Variants in DGKB observed in about 807,000 individuals in gnomAD.
DGKB encodes the protein diacylglycerol kinase beta.
A neutral mutation model predicts 114.3 loss-of-function variants in DGKB; 67 were observed. That is an observed-to-expected ratio of 0.59 (90% confidence interval 0.48 to 0.72). DGKB has a LOEUF of 0.72. Among genes scored for constraint, DGKB ranks in the 30% least tolerant of loss-of-function variants. The pLI, the probability that DGKB is intolerant of heterozygous loss-of-function variation, is 0.00. For missense variants in DGKB, 907 were observed against 975.2 expected (o/e 0.93, Z 0.93); for synonymous variants, 398 against 323.1 (o/e 1.23, Z -2.49).
intron 20 of DGKB, among the ~76,000 whole-genome samples, chr7:14,489,658 T>G (rs1001044470): frequency 6.6e-6 from 1 of 152,182 alleles, no homozygotes; most frequent in African/African-American, 2.4e-5. Flanking sequence ...CAAAACCTCA[T>G]GTGCGTTTGC....
At chr7:14,899,601 T>C (rs1412237737) in intron 1 of DGKB, among the ~76,000 whole-genome samples, 1 of 152,158 alleles carries the variant, frequency 6.6e-6, no homozygotes, top group Admixed American at 6.6e-5. Context: ...TCCTCTCATA[T>C]TAACTGCATT....
At chr7:14,865,054 A>G (rs540551626) in intron 1 of DGKB, among the ~76,000 whole-genome samples, 2 of 150,408 alleles carry the variant, frequency 1.3e-5, no homozygotes, top group African/African-American at 4.9e-5. Context: ...GGAAAAGGCA[A>G]TTCCAGAGTT....
intron 25 of DGKB, among the ~76,000 whole-genome samples, chr7:14,173,013 C>A (rs570409075): frequency 6.6e-6 from 1 of 152,214 alleles, no homozygotes; most frequent in African/African-American, 2.4e-5. Context: ...AGACAATTTT[C>A]AATATATACT....
chr7:14,618,166 G>C (rs1806912257), intron 15 of DGKB, among the ~76,000 whole-genome samples: 1 of 150,906 alleles, frequency 6.6e-6, no homozygotes, highest in Non-Finnish European at 1.5e-5. Flanking sequence ...CAAAGAAAGT[G>C]AATTGATTAT....
intron 23 of DGKB, among the ~76,000 whole-genome samples, chr7:14,212,289 CAT>C (rs1400935599): frequency 2.6e-4 from 4 of 15,152 alleles, no homozygotes; most frequent in South Asian, 2.8e-3. Flanking sequence ...ATTTTACTCT[CAT>C]GTTTTGTGAT....
At chr7:14,973,821 T>A (rs1304524206) in intron 1 of DGKB, among the ~76,000 whole-genome samples, 1 of 148,340 alleles carries the variant, frequency 6.7e-6, no homozygotes, top group African/African-American at 2.4e-5. Flanking sequence ...TGTGTATATA[T>A]AAATTACATA....
chr7:14,806,083 T>C (rs945647905), intron 2 of DGKB, among the ~76,000 whole-genome samples: 1 of 151,872 alleles, frequency 6.6e-6, no homozygotes, highest in Non-Finnish European at 1.5e-5. Flanking sequence ...CTTTTATAAA[T>C]TTACATTACA....
rs539479118 is a variant in DGKB at position 14,299,597 on chromosome 7, G to A, written c.2122+38918C>T. Among the ~76,000 whole-genome samples the A allele has an allele frequency of 4.6e-5, 7 of 152,102 alleles. No homozygotes were observed. In the East Asian group the frequency reaches 7.7e-4, roughly 17 times the overall value. On this transcript the variant is annotated intron_variant, in intron 23 of 25. Coordinates refer to ENST00000402815, the MANE Select transcript of DGKB (RefSeq NM_001350709.2). ...GAAAACCTGTTTCTGTGTTTTAGCCGCCCCTCACCCACAATGTATACCCAT... is the reference window on the plus strand; with the variant it reads ...GAAAACCTGTTTCTGTGTTTTAGCCACCCCTCACCCACAATGTATACCCAT...
intron 20 of DGKB, among the ~76,000 whole-genome samples, chr7:14,567,233 A>ATTATATAT (rs1563533457): frequency 6.0e-4 from 32 of 52,982 alleles, no homozygotes; most frequent in African/African-American, 2.4e-3. Flanking sequence ...AATATATATA[A>ATTATATAT]TTATATTATA....
chr7:14,553,619 T>A (rs1225640156), intron 20 of DGKB, among the ~76,000 whole-genome samples: 1 of 152,130 alleles, frequency 6.6e-6, no homozygotes, highest in East Asian at 1.9e-4. Context: ...TAGAACAGGT[T>A]GAAAGTGAAT....
At chr7:14,502,007 G>A (rs1483407822) in intron 20 of DGKB, among the ~76,000 whole-genome samples, 2 of 151,752 alleles carry the variant, frequency 1.3e-5, no homozygotes, top group East Asian at 3.9e-4. Flanking sequence ...GGGTTAAGAG[G>A]GTGGACATTG....
At chr7:14,725,493 T>G (rs1468359937) in intron 5 of DGKB, among the ~76,000 whole-genome samples, 1 of 152,136 alleles carries the variant, frequency 6.6e-6, no homozygotes, top group East Asian at 1.9e-4. Flanking sequence ...ATAATCTCCT[T>G]AAATTTCACT....
At chr7:14,490,109 T>A (rs1030301205) in intron 20 of DGKB, among the ~76,000 whole-genome samples, 4 of 152,110 alleles carry the variant, frequency 2.6e-5, no homozygotes, top group African/African-American at 7.2e-5. Flanking sequence ...TTAATTTCCT[T>A]AGTGAGTCAA....
intron 1 of DGKB, among the ~76,000 whole-genome samples, chr7:14,858,127 T>C (rs1259693163): frequency 1.3e-5 from 2 of 152,122 alleles, no homozygotes; most frequent in Admixed American, 6.6e-5. Context: ...GATGGTAAAA[T>C]TGTTTTCCAA....
At chr7:14,310,332 C>T (rs561786650) in intron 23 of DGKB, among the ~76,000 whole-genome samples, 18 of 152,026 alleles carry the variant, frequency 1.2e-4, no homozygotes, top group Admixed American at 3.3e-4. Flanking sequence ...AAAATGGGAA[C>T]GATAGAATCT....
intron 1 of DGKB, among the ~76,000 whole-genome samples, chr7:14,882,183 T>A (rs1056919168): frequency 2.8e-4 from 42 of 151,832 alleles, no homozygotes; most frequent in Admixed American, 1.7e-3. Context: ...TAAATATGGA[T>A]ATATTTGGGA....
chr7:14,712,668 C>T (rs1827565985), intron 6 of DGKB, among the ~76,000 whole-genome samples: 1 of 150,878 alleles, frequency 6.6e-6, no homozygotes, highest in African/African-American at 2.5e-5. Context: ...GAGACTGTGT[C>T]TCAAAATAAA....
chr7:14,388,751 C>T (rs527687291), intron 21 of DGKB, among the ~76,000 whole-genome samples: 27 of 152,240 alleles, frequency 1.8e-4, no homozygotes, highest in African/African-American at 6.0e-4. Flanking sequence ...AAAAAGAAGA[C>T]TGACAACTCT....
At chr7:14,668,394 C>T (rs975085777) in intron 13 of DGKB, among the ~76,000 whole-genome samples, 3 of 152,080 alleles carry the variant, frequency 2.0e-5, no homozygotes, top group South Asian at 2.1e-4. Flanking sequence ...TAAAATCTCT[C>T]TATTGGGATT....
Sources: allele counts gnomAD v4.1 joint callset (sites outside exome capture counted in the v4.1 genomes callset), GRCh38; gene constraint gnomAD v4.1.1; transcripts MANE v1.5; gene names NCBI Gene and HGNC (gene_info 2026-07-23, HGNC 2026-07-21).